The following IL6ST variants were observed in gnomAD, a reference collection of about 807,000 sequenced individuals.
The protein encoded by IL6ST is interleukin-6 receptor subunit beta.
IL6ST carries 24 observed loss-of-function variants against 91.3 expected under a neutral mutation model. The ratio of observed to expected loss-of-function variants is 0.26; its 90% CI spans 0.19 to 0.37. IL6ST has a LOEUF of 0.37. Among genes scored for constraint, IL6ST ranks in the 10% least tolerant of loss-of-function variants. The probability of loss-of-function intolerance (pLI) is 1.00; values close to 1 mark genes in which losing one functional copy is unlikely to be tolerated. For synonymous variants in IL6ST, 351 were observed against 373.6 expected (o/e 0.94, Z 0.70); for missense variants, 914 against 1,078.5 (o/e 0.85, Z 2.14).
chr5:55,953,557 TTTTG>T (rs1415318525), intron 11 of IL6ST, among the ~76,000 whole-genome samples: 1 of 152,158 alleles, frequency 6.6e-6, no homozygotes, highest in African/African-American at 2.4e-5. Context: ...GCCTAGCTGA[TTTTG>T]TTTTAGTAGA....
At chr5:55,994,718 T>G (rs894463251) in intron 1 of IL6ST, 66 bp downstream of exon 1, 6 of 152,298 alleles carry the variant, frequency 3.9e-5, no homozygotes, top group African/African-American at 1.4e-4. Flanking sequence ...GAGTGCCAGA[T>G]AGCCCGTCCG....
chr5:55,985,536 TA>T (rs1406364726), intron 1 of IL6ST, among the ~76,000 whole-genome samples: 2 of 151,158 alleles, frequency 1.3e-5, no homozygotes, highest in African/African-American at 4.9e-5. Flanking sequence ...AAAAAAAATA[TA>T]AAAAATAAAA....
At chr5:55,993,327 A>G (rs1174091643) in intron 1 of IL6ST, among the ~76,000 whole-genome samples, 3 of 152,244 alleles carry the variant, frequency 2.0e-5, no homozygotes, top group Admixed American at 1.3e-4. Flanking sequence ...GTTTTCAGCG[A>G]GACTCCTGTT....
Position 55,941,733 on chromosome 5 carries a change from C to A in IL6ST, c.2106G>T (p.Lys702Asn). Residue 702 changes from lysine to asparagine, a missense_variant, in exon 17 of 17, where the codon AAG becomes AAT. Transcript: ENST00000381298. ...SVVEIEANDK[K>N]PFPEDLKSLD... ...ATGATTTCAGATCTTCTGGAAAAGGCTTTTTGTCATTTGCTTCTATTTCCA... is the reference window on the plus strand; with the variant it reads ...ATGATTTCAGATCTTCTGGAAAAGGATTTTTGTCATTTGCTTCTATTTCCA... 6.2e-7 allele frequency: 1 copy of A among 1,613,970 alleles called. No homozygotes were observed. The highest frequency in any genetic ancestry group is 1.3e-5 in the African/African-American group (1 of 75,020).
At chr5:55,988,714 C>A (rs140310422) in intron 1 of IL6ST, among the ~76,000 whole-genome samples, 186 of 145,594 alleles carry the variant, frequency 1.3e-3, no homozygotes, top group Admixed American at 2.8e-3. Context: ...TGCAGTGAGC[C>A]GGGATGTCGC....
Position 55,983,000 on chromosome 5 carries a change from C to CTT in IL6ST, c.-103-191_-103-190dup, listed in dbSNP as rs111793262. ...ATAAGAGTATTCAAATATTCTAGTGCTTTTTTTTTTTTTTTTTGAGACAAT... is the reference window on the plus strand; with the variant it reads ...ATAAGAGTATTCAAATATTCTAGTGCTTTTTTTTTTTTTTTTTTTGAGACAAT... On this transcript the variant is annotated intron_variant, in intron 1 of 16. Transcript: ENST00000381298. 6.3e-4 allele frequency among the ~76,000 whole-genome samples: 86 copies of CTT among 136,818 alleles called. No homozygotes were observed. The South Asian group carries it at 0.012, about 19-fold the overall frequency. The allele number at this position is 136,818 out of a possible 152,430, so 89.8% of individuals were successfully genotyped here.
At position 55,957,014 on chromosome 5, in the gene IL6ST, G is replaced by A. The variant is rs534913198; in HGVS notation, c.1056+195C>T. Among the ~76,000 whole-genome samples, 10 of 152,000 alleles carry A rather than the reference G, an allele frequency of 6.6e-5. No individual in the cohort carries two copies. In the East Asian group the frequency reaches 1.7e-3, roughly 27 times the overall value. On this transcript the variant is annotated intron_variant, in intron 9 of 16. Transcript: ENST00000381298. Reference sequence around the variant, plus strand: ...CTCTGCTAAAAATACAAAAATTAGCGGGGCGTGGTGGCGCACACCTGTAGT... The same window carrying A: ...CTCTGCTAAAAATACAAAAATTAGCAGGGCGTGGTGGCGCACACCTGTAGT...
At chr5:55,972,857 T>C (rs1020131224) in intron 3 of IL6ST, among the ~76,000 whole-genome samples, 1 of 151,694 alleles carries the variant, frequency 6.6e-6, no homozygotes, top group African/African-American at 2.4e-5. Flanking sequence ...ATACAAAAAT[T>C]ACCCGGGCGT....
chr5:55,979,170 T>C (rs74973390), intron 2 of IL6ST, among the ~76,000 whole-genome samples: 2 of 151,998 alleles, frequency 1.3e-5, no homozygotes, highest in Non-Finnish European at 2.9e-5. Context: ...GGGGGAAGAA[T>C]TGCTTGAGGC....
chr5:55,954,257 C>T (rs1468314022), intron 11 of IL6ST, among the ~76,000 whole-genome samples: 2 of 152,180 alleles, frequency 1.3e-5, no homozygotes, highest in Non-Finnish European at 1.5e-5. Flanking sequence ...AGACTATAAA[C>T]TGAGTTTTTT....
At chr5:55,992,859 A>C (rs576046778) in intron 1 of IL6ST, among the ~76,000 whole-genome samples, 2 of 152,342 alleles carry the variant, frequency 1.3e-5, no homozygotes, top group African/African-American at 4.8e-5. Context: ...TCTGCATTTA[A>C]TTAAAACTGC....
chr5:55,961,053 C>T (rs977845857), intron 7 of IL6ST, among the ~76,000 whole-genome samples: 1 of 152,204 alleles, frequency 6.6e-6, no homozygotes, highest in African/African-American at 2.4e-5. Flanking sequence ...ATTCTATTGC[C>T]TCAGCCTCTT....
chr5:55,980,484 A>T (rs1262782525), intron 2 of IL6ST, among the ~76,000 whole-genome samples: 1 of 152,202 alleles, frequency 6.6e-6, no homozygotes, highest in Non-Finnish European at 1.5e-5. Context: ...CGGGAGGCGG[A>T]GGTTGCAGTG....
In IL6ST at chr5:55,937,313, G is replaced by A. The variant is rs1750599616; in HGVS notation, c.*3769C>T. On this transcript the variant is annotated 3_prime_UTR_variant, in exon 17 of 17. Coordinates refer to ENST00000381298, the MANE Select transcript of IL6ST (RefSeq NM_002184.4). The stretch of plus-strand genomic sequence containing the variant: ...CCCTTAAAAATTTAGGAACAAATGA[G>A]CAACAGAAGAGCTCACCCTGAGCTG... 1 of 213,838 alleles carries A rather than the reference G, an allele frequency of 4.7e-6. No individual in the cohort carries two copies. The highest frequency in any genetic ancestry group is 9.5e-6 in the Non-Finnish European group (1 of 105,736). The allele number at this position is 213,838 out of a possible 1,614,324, so 13.2% of individuals were successfully genotyped here.
chr5:55,940,430 G>C lies in IL6ST; in HGVS notation c.*652C>G, dbSNP rs1377555549. The C allele has an allele frequency of 1.9e-5, 4 of 209,600 alleles. No individual in the cohort carries two copies. Among genetic ancestry groups the C allele is most frequent in the African/African-American group, 9.1e-5 (4 of 44,152 alleles). 13.0% of individuals were successfully genotyped at this position (209,600 alleles called of 1,614,324 possible). On this transcript the variant is annotated 3_prime_UTR_variant, in exon 17 of 17. Transcript: ENST00000381298. ...TACTAATTATTGATGAATAAAAAATGAGTACTTTTAATCTGCCAAGTTAAA... is the reference window on the plus strand; with the variant it reads ...TACTAATTATTGATGAATAAAAAATCAGTACTTTTAATCTGCCAAGTTAAA...
At chr5:55,950,603 G>A (rs192590090) in intron 14 of IL6ST, among the ~76,000 whole-genome samples, 3 of 148,722 alleles carry the variant, frequency 2.0e-5, no homozygotes, top group Non-Finnish European at 4.5e-5. Flanking sequence ...AGAACAAGGA[G>A]ACTCAGGAGA....
At chr5:55,956,556 A>G (rs1051509629) in intron 9 of IL6ST, among the ~76,000 whole-genome samples, 15 of 152,212 alleles carry the variant, frequency 9.9e-5, no homozygotes, top group Non-Finnish European at 7.3e-5. Context: ...CTTTTTTAGT[A>G]TGATCTACTC....
At position 55,947,561 on chromosome 5, in the gene IL6ST, C is replaced by A. The variant is rs1272173335; in HGVS notation, c.1869G>T (p.Val623=). 7.2e-7 allele frequency: 1 copy of A among 1,397,696 alleles called. No individual in the cohort carries two copies. Among genetic ancestry groups the A allele is most frequent in the Non-Finnish European group, 9.8e-7 (1 of 1,025,250 alleles). The allele number at this position is 1,397,696 out of a possible 1,614,324, so 86.6% of individuals were successfully genotyped here. Residue 623 remains valine, a synonymous_variant, in exon 15 of 17, where the codon GTG becomes GTT. Transcript: ENST00000381298. ...TCAATAGGAATGCTAAGCAAACAGG[C>A]ACGACTATGGCTTCAATTTCTCCTT... ...FAQGEIEAIV[V]PVCLAFLLTT...
At position 55,969,745 on chromosome 5, in the gene IL6ST, G is replaced by T; in HGVS notation, c.175C>A (p.His59Asn). The part of the protein sequence containing the change: ...VLKEKCMDYF[H>N]VNANYIVWKT... ...CAGACAATGTAATTAGCATTTACAT[G>T]AAAATAATCCATACATTTTTCCTTT... Residue 59 changes from histidine (H) to asparagine (N), a missense_variant, in exon 4 of 17, where the codon CAT becomes AAT. His to Asn is a moderately conservative substitution (Grantham distance 68, BLOSUM62 1). Coordinates refer to ENST00000381298, the MANE Select transcript of IL6ST (RefSeq NM_002184.4). 1 of 1,609,698 alleles carries T rather than the reference G, an allele frequency of 6.2e-7. No individual in the cohort carries two copies. Among genetic ancestry groups the T allele is most frequent in the Non-Finnish European group, 8.5e-7 (1 of 1,176,154 alleles).
Sources: allele counts gnomAD v4.1 joint callset (sites outside exome capture counted in the v4.1 genomes callset), GRCh38; gene constraint gnomAD v4.1.1; transcripts MANE v1.5; gene names NCBI Gene and HGNC (gene_info 2026-07-23, HGNC 2026-07-21).